The following PCDHA6 variants were observed in gnomAD, a reference collection of about 807,000 sequenced individuals.
PCDHA6 encodes the protein protocadherin alpha 6.
Under a neutral mutation model 60.3 loss-of-function variants are expected in PCDHA6, and 55 were observed. The observed-to-expected ratio is 0.91, with a 90% confidence interval of 0.73 to 1.14. The LOEUF (loss-of-function observed/expected upper bound fraction) is 1.14. PCDHA6 is among the 50% of genes most tolerant of loss of function. The pLI, the probability that PCDHA6 is intolerant of heterozygous loss-of-function variation, is 0.00. For synonymous variants in PCDHA6, 652 were observed against 557.9 expected (o/e 1.17, Z -2.38); for missense variants, 1,327 against 1,256.5 (o/e 1.06, Z -0.85).
intron 2 of PCDHA6, 26 bp downstream of exon 2, chr5:140,979,033 C>G: frequency 6.2e-7 from 1 of 1,613,044 alleles, no homozygotes; most frequent in Admixed American, 1.7e-5. Flanking sequence ...CTCATTCACT[C>G]AGAAGTAACC....
intron 1 of PCDHA6, chr5:140,835,488 A>C (rs2150236741): frequency 2.5e-6 from 4 of 1,613,940 alleles, no homozygotes; most frequent in Non-Finnish European, 3.4e-6. Flanking sequence ...AGGTACCGTC[A>C]TCACATTGAT....
In PCDHA6 at chr5:140,944,191, G is replaced by T. The variant is rs181232402; in HGVS notation, c.2395-34758G>T. The stretch of plus-strand genomic sequence containing the variant: ...GGCTGGTTTTTTGTTGGTTTGTTTT[G>T]TTTTGTTTTGTTTTTAAAGAGGGTT... On this transcript the variant is annotated intron_variant, in intron 1 of 3. Coordinates refer to ENST00000529310, the MANE Select transcript of PCDHA6 (RefSeq NM_018909.4). 9.2e-5 allele frequency among the ~76,000 whole-genome samples: 14 copies of T among 152,098 alleles called. No individual in the cohort carries two copies. The East Asian group carries it at 2.5e-3, about 27-fold the overall frequency.
At chr5:140,900,512 G>T (rs1191935182) in intron 1 of PCDHA6, among the ~76,000 whole-genome samples, 4 of 152,300 alleles carry the variant, frequency 2.6e-5, no homozygotes, top group Middle Eastern at 3.4e-3. Context: ...CCCAGCCTCA[G>T]GTGATCTGCC....
In PCDHA6 at chr5:140,857,564, T is replaced by C. The variant is rs1254291079; in HGVS notation, c.2394+27079T>C. 1 of 1,596,742 alleles carries C rather than the reference T, an allele frequency of 6.3e-7. No homozygotes were observed. The highest frequency in any genetic ancestry group is 1.3e-5 in the African/African-American group (1 of 74,340). ...GTTGGGCGAGCGCTCGCTGTCGAGC[T>C]ACGTGTCGGTGCACGCGGAGAGCGG... On this transcript the variant is annotated intron_variant, in intron 1 of 3. Coordinates refer to ENST00000529310, the MANE Select transcript of PCDHA6 (RefSeq NM_018909.4).
intron 1 of PCDHA6, among the ~76,000 whole-genome samples, chr5:140,907,775 G>T (rs1217508105): frequency 4.6e-5 from 7 of 152,178 alleles, no homozygotes; most frequent in African/African-American, 1.7e-4. Flanking sequence ...TGATGACAGG[G>T]GTGGCTGGGG....
chr5:140,924,391 T>C (rs2081808127), intron 1 of PCDHA6, among the ~76,000 whole-genome samples: 1 of 152,326 alleles, frequency 6.6e-6, no homozygotes, highest in East Asian at 1.9e-4. Flanking sequence ...TTACTACTTA[T>C]ATTGCCTTAT....
At chr5:140,833,750 A>AC (rs1554133942) in intron 1 of PCDHA6, among the ~76,000 whole-genome samples, 2 of 108,038 alleles carry the variant, frequency 1.9e-5, no homozygotes, top group African/African-American at 3.5e-5. Flanking sequence ...CCTAAAAAGA[A>AC]AACACACACA....
intron 1 of PCDHA6, among the ~76,000 whole-genome samples, chr5:140,845,370 T>C (rs1032525596): frequency 6.7e-6 from 1 of 149,690 alleles, no homozygotes; most frequent in Non-Finnish European, 1.5e-5. Flanking sequence ...CAAAATATCA[T>C]AAATAGGAGG....
chr5:140,926,881 C>G, intron 1 of PCDHA6: 1 of 1,541,960 alleles, frequency 6.5e-7, no homozygotes, highest in Non-Finnish European at 8.8e-7. Context: ...AACGTGGACG[C>G]CTAGAGGGAG....
At position 140,883,904 on chromosome 5, in the gene PCDHA6, G is replaced by A. The variant is rs146827381; in HGVS notation, c.2394+53419G>A. 7,677 of 1,613,344 alleles carry A rather than the reference G, an allele frequency of 4.8e-3. 19 individuals are homozygous for A. The highest frequency in any genetic ancestry group is 5.8e-3 in the Non-Finnish European group (6,886 of 1,179,828). On this transcript the variant is annotated intron_variant, in intron 1 of 3. Transcript: ENST00000529310. ...GCGCGACTCTGGCGTGCCGCCTCTG[G>A]GCAGCAACGTGACGCTGCAGGTGTT... is the stretch of plus-strand genomic sequence containing the variant.
chr5:140,895,603 T>C (rs2065070404), intron 1 of PCDHA6, among the ~76,000 whole-genome samples: 1 of 152,156 alleles, frequency 6.6e-6, no homozygotes, highest in African/African-American at 2.4e-5. Context: ...TTTGCAAAGA[T>C]TTTCTCATTG....
intron 1 of PCDHA6, chr5:140,875,368 T>G (rs745982019): frequency 1.3e-5 from 19 of 1,449,988 alleles, no homozygotes; most frequent in Non-Finnish European, 1.7e-5. Context: ...TGGAAAAAAT[T>G]TACTAAATAT....
chr5:140,928,485 C>T, intron 1 of PCDHA6: 2 of 1,614,136 alleles, frequency 1.2e-6, no homozygotes, highest in Non-Finnish European at 1.7e-6. Context: ...GGGATGGTGG[C>T]ATTCCTCCCA....
chr5:140,933,865 A>G (rs918877939), intron 1 of PCDHA6, among the ~76,000 whole-genome samples: 14 of 151,864 alleles, frequency 9.2e-5, no homozygotes, highest in African/African-American at 1.4e-4. Flanking sequence ...TTTTTCAGAT[A>G]TATGTTAGTT....
In PCDHA6 at chr5:140,843,020, G is replaced by C. The variant is rs142550829; in HGVS notation, c.2394+12535G>C. The C allele has an allele frequency of 3.1e-6, 5 of 1,595,174 alleles. 1 individual carries two copies. Among genetic ancestry groups the C allele is most frequent in the Non-Finnish European group, 4.3e-6 (5 of 1,165,458 alleles). ...GAATGACAACGCGCCGGCACTGCTGGAGCCTCGGGTGGGTGGCACTGGTGG... is the reference window on the plus strand; with the variant it reads ...GAATGACAACGCGCCGGCACTGCTGCAGCCTCGGGTGGGTGGCACTGGTGG... On this transcript the variant is annotated intron_variant, in intron 1 of 3. Coordinates refer to ENST00000529310, the MANE Select transcript of PCDHA6 (RefSeq NM_018909.4).
intron 1 of PCDHA6, among the ~76,000 whole-genome samples, chr5:140,941,193 T>TC (rs1554213826): frequency 4.3e-5 from 5 of 116,722 alleles, no homozygotes; most frequent in African/African-American, 1.7e-4. Flanking sequence ...TTCTTTTTTT[T>TC]TCTTTCTTCC....
chr5:140,873,149 T>C (rs2054128037), intron 1 of PCDHA6, among the ~76,000 whole-genome samples: 1 of 152,218 alleles, frequency 6.6e-6, no homozygotes, highest in Non-Finnish European at 1.5e-5. Flanking sequence ...AGCCTATTCA[T>C]AGACTTTAGA....
intron 1 of PCDHA6, among the ~76,000 whole-genome samples, chr5:140,898,520 G>A (rs1583310662): frequency 6.6e-6 from 1 of 152,298 alleles, no homozygotes; most frequent in East Asian, 1.9e-4. Context: ...CGTTATTTCT[G>A]AGGGCTCTGT....
At chr5:140,927,186 C>T in intron 1 of PCDHA6, 1 of 1,614,174 alleles carries the variant, frequency 6.2e-7, no homozygotes, top group East Asian at 2.2e-5. Context: ...TGACCTACGA[C>T]CTGGTGCTCG....
Sources: allele counts gnomAD v4.1 joint callset (sites outside exome capture counted in the v4.1 genomes callset), GRCh38; gene constraint gnomAD v4.1.1; transcripts MANE v1.5; gene names NCBI Gene and HGNC (gene_info 2026-07-23, HGNC 2026-07-21).